SRP54: variants seen among roughly 807,000 people sequenced by gnomAD.
SRP54 encodes the protein signal recognition particle subunit SRP54.
Under a neutral mutation model 64.8 loss-of-function variants are expected in SRP54, and 10 were observed. That is an observed-to-expected ratio of 0.15 (90% CI 0.10 to 0.26). The LOEUF (loss-of-function observed/expected upper bound fraction) is 0.26, where lower values mean the gene tolerates loss of function less well. SRP54 is among the 10% of genes least tolerant of loss of function. The pLI, the probability that SRP54 is intolerant of heterozygous loss-of-function variation, is 1.00. For missense variants in SRP54, 325 were observed against 613.7 expected (o/e 0.53, Z 4.97); for synonymous variants, 193 against 185.6 (o/e 1.04, Z -0.32).
intron 14 of SRP54, among the ~76,000 whole-genome samples, chr14:35,024,950 C>CA (rs1341355826): frequency 1.3e-5 from 2 of 152,148 alleles, no homozygotes; most frequent in Non-Finnish European, 2.9e-5. Context: ...AGGCTGGTCT[C>CA]AAACTCCCAA....
At chr14:35,002,225 A>G (rs2044184809) in intron 4 of SRP54, among the ~76,000 whole-genome samples, 1 of 151,900 alleles carries the variant, frequency 6.6e-6, no homozygotes. Context: ...ATGGTGGTGC[A>G]CATCTGTAGT....
At chr14:34,994,932 CT>C (rs59058538) in intron 1 of SRP54, among the ~76,000 whole-genome samples, 5,613 of 84,294 alleles carry the variant, frequency 0.067, 205 homozygotes, top group Middle Eastern at 0.15. Context: ...TGCCTGGCTA[CT>C]TTTTTTTTTT....
chr14:35,017,689 A>G (rs2044465995), intron 11 of SRP54, among the ~76,000 whole-genome samples: 2 of 152,360 alleles, frequency 1.3e-5, no homozygotes, highest in African/African-American at 2.4e-5. Flanking sequence ...GTTAGTATAC[A>G]TACAATGAAA....
At chr14:35,013,722 G>T (rs767609517) in intron 9 of SRP54, 80 bp from the exon 10 acceptor site, 1 of 1,290,946 alleles carries the variant, frequency 7.7e-7, no homozygotes, top group Non-Finnish European at 1.1e-6. Flanking sequence ...CTTTGGAGGC[G>T]GATTCACTTC....
chr14:34,991,652 G>A (rs1305159356), intron 1 of SRP54, among the ~76,000 whole-genome samples: 4 of 150,208 alleles, frequency 2.7e-5, no homozygotes, highest in South Asian at 2.1e-4. Flanking sequence ...GGCTAGTACC[G>A]AGACACTGAG....
At chr14:34,991,868 A>T (rs1018878545) in intron 1 of SRP54, among the ~76,000 whole-genome samples, 4 of 152,160 alleles carry the variant, frequency 2.6e-5, no homozygotes, top group African/African-American at 4.8e-5. Flanking sequence ...TAGAGGAAAC[A>T]CTGTAAGTTA....
At chr14:35,018,874 T>A in intron 12 of SRP54, 92 bp from the exon 13 acceptor site, 1 of 1,394,712 alleles carries the variant, frequency 7.2e-7, no homozygotes, top group Non-Finnish European at 1.0e-6. Context: ...TATCTAAGAC[T>A]TAGTGTCAAT....
At chr14:35,027,554 G>A (rs1303526888) in intron 14 of SRP54, among the ~76,000 whole-genome samples, 6 of 152,098 alleles carry the variant, frequency 3.9e-5, no homozygotes, top group Admixed American at 2.0e-4. Flanking sequence ...TCAGGTGTTT[G>A]AGACCAGCCT....
intron 1 of SRP54, among the ~76,000 whole-genome samples, chr14:34,988,733 G>C (rs1313557575): frequency 6.6e-6 from 1 of 151,136 alleles, no homozygotes; most frequent in East Asian, 1.9e-4. Flanking sequence ...TAGTATTAAA[G>C]TCAGAAAAGC....
intron 1 of SRP54, 48 bp from the exon 2 acceptor site, chr14:34,996,629 A>G (rs1412592341): frequency 5.3e-6 from 5 of 942,630 alleles, no homozygotes; most frequent in Non-Finnish European, 8.8e-6. Flanking sequence ...CTCTTCAGTC[A>G]TGGGAAGTGA....
chr14:35,013,950 TATC>T (rs2044395712), intron 10 of SRP54, 48 bp downstream of exon 10: 1 of 1,286,924 alleles, frequency 7.8e-7, no homozygotes, highest in African/African-American at 1.5e-5. Context: ...AAATACGATG[TATC>T]TTTAGGACAA....
At chr14:35,018,286 C>T (rs961595461) in intron 11 of SRP54, among the ~76,000 whole-genome samples, 3 of 152,120 alleles carry the variant, frequency 2.0e-5, no homozygotes, top group African/African-American at 7.2e-5. Context: ...ATTTAAGAAA[C>T]TCCAAACAAT....
intron 14 of SRP54, among the ~76,000 whole-genome samples, chr14:35,026,525 C>T (rs1352922347): frequency 6.6e-6 from 1 of 152,170 alleles, no homozygotes; most frequent in Non-Finnish European, 1.5e-5. Context: ...TGACCCACCT[C>T]ACCCAGGCTG....
At chr14:35,015,481 G>A (rs1031142794) in intron 11 of SRP54, among the ~76,000 whole-genome samples, 11 of 152,170 alleles carry the variant, frequency 7.2e-5, no homozygotes, top group Admixed American at 5.2e-4. Context: ...TGTAGAGAAG[G>A]ATATTATTCT....
chr14:34,988,834 A>C (rs1032868088), intron 1 of SRP54, among the ~76,000 whole-genome samples: 1 of 151,892 alleles, frequency 6.6e-6, no homozygotes, highest in Non-Finnish European at 1.5e-5. Context: ...GACCAAAATC[A>C]GAGGATGCTC....
chr14:35,000,013 A>C (rs2044144261), intron 3 of SRP54: 1 of 158,650 alleles, frequency 6.3e-6, no homozygotes, highest in Non-Finnish European at 1.4e-5. Flanking sequence ...AGATGATCTT[A>C]ATCAACCTTC....
chr14:35,025,344 A>C (rs1173513390), intron 14 of SRP54, among the ~76,000 whole-genome samples: 2 of 152,228 alleles, frequency 1.3e-5, no homozygotes, highest in Non-Finnish European at 2.9e-5. Context: ...TTGTCTTTGA[A>C]GCTTTCCTTA....
chr14:34,996,957 A>G (rs530738334), intron 2 of SRP54, 170 bp downstream of exon 2: 3 of 418,796 alleles, frequency 7.2e-6, no homozygotes, highest in Non-Finnish European at 1.3e-5. Flanking sequence ...GAAATTAACT[A>G]CAACTTCAAA....
chr14:35,014,958 A>G (rs2044414471), intron 11 of SRP54, 128 bp downstream of exon 11: 3 of 597,146 alleles, frequency 5.0e-6, no homozygotes, highest in Admixed American at 3.3e-5. Context: ...ATTATTTTAG[A>G]TGATTTATAT....
Sources: allele counts gnomAD v4.1 joint callset (sites outside exome capture counted in the v4.1 genomes callset), GRCh38; gene constraint gnomAD v4.1.1; transcripts MANE v1.5; gene names NCBI Gene and HGNC (gene_info 2026-07-23, HGNC 2026-07-21).